Variants in ALDH2 observed in about 807,000 individuals in gnomAD.
The protein encoded by ALDH2 is aldehyde dehydrogenase, mitochondrial.
ALDH2 carries 44 observed loss-of-function variants against 59.6 expected under a neutral mutation model. The ratio of observed to expected loss-of-function variants is 0.74; its 90% CI spans 0.58 to 0.95. The LOEUF (loss-of-function observed/expected upper bound fraction) is 0.95. Ranked by LOEUF, ALDH2 falls within the 40% of genes least tolerant of loss-of-function variation. ALDH2 has a pLI of 0.00. For synonymous variants in ALDH2, 291 were observed against 284.0 expected (o/e 1.02, Z -0.25); for missense variants, 570 against 696.3 (o/e 0.82, Z 2.04).
chr12:111,806,702 T>C (rs989382612), intron 12 of ALDH2, among the ~76,000 whole-genome samples: 9 of 152,240 alleles, frequency 5.9e-5, no homozygotes, highest in African/African-American at 2.2e-4. Context: ...CCAGGAGTGG[T>C]GGCTCATGCC....
intron 9 of ALDH2, among the ~76,000 whole-genome samples, chr12:111,797,123 C>G (rs1428511491): frequency 1.3e-5 from 2 of 152,036 alleles, no homozygotes; most frequent in African/African-American, 4.8e-5. Context: ...TTAGTAGAGA[C>G]GGGGTTTCAC....
At chr12:111,780,701 T>C (rs1447956899) in intron 1 of ALDH2, among the ~76,000 whole-genome samples, 1 of 152,200 alleles carries the variant, frequency 6.6e-6, no homozygotes, top group Admixed American at 6.5e-5. Context: ...TGTGTTTGAT[T>C]GCCTCTTTAT....
intron 4 of ALDH2, among the ~76,000 whole-genome samples, chr12:111,787,890 T>C (rs541097684): frequency 6.6e-6 from 1 of 151,888 alleles, no homozygotes; most frequent in East Asian, 1.9e-4. Context: ...ATATAAAAAA[T>C]TAGCTGGGCT....
chr12:111,770,160 G>A (rs559516464), intron 1 of ALDH2, among the ~76,000 whole-genome samples: 2 of 145,676 alleles, frequency 1.4e-5, no homozygotes, highest in Admixed American at 6.9e-5. Context: ...AAAAAAAAAT[G>A]TGGGGGGTAA....
chr12:111,767,956 A>G (rs566981949), intron 1 of ALDH2, among the ~76,000 whole-genome samples: 142 of 152,256 alleles, frequency 9.3e-4, no homozygotes, highest in Non-Finnish European at 1.2e-3. Context: ...GCCCTCATCA[A>G]CCAGTCACTT....
intron 10 of ALDH2, 170 bp from the exon 11 acceptor site, chr12:111,799,736 C>T: frequency 1.3e-6 from 1 of 748,500 alleles, no homozygotes; most frequent in South Asian, 2.6e-5. Flanking sequence ...CTGTTAGCTC[C>T]ATTCCCTCTG....
At chr12:111,803,776 G>T in intron 11 of ALDH2, 83 bp from the exon 12 acceptor site, 1 of 864,874 alleles carries the variant, frequency 1.2e-6, no homozygotes, top group Non-Finnish European at 1.6e-6. Flanking sequence ...ATAAAATAAA[G>T]ACTTTGGGGC....
rs982297363 is a variant in ALDH2, at chr12:111,809,731, T to C, written c.*156T>C. 3 of 812,716 alleles carry C rather than the reference T, an allele frequency of 3.7e-6. No homozygotes were observed. The highest frequency in any genetic ancestry group is 3.4e-5 in the African/African-American group (2 of 58,248). 50.3% of individuals were successfully genotyped at this position (812,716 alleles called of 1,614,324 possible). ...AAGAAAGTTCTAGAATTTGAATTGA[T>C]AAACATGGTGGGTTGGCTGAGGGTA... On this transcript the variant is annotated 3_prime_UTR_variant, in exon 13 of 13. Coordinates refer to ENST00000261733, the MANE Select transcript of ALDH2 (RefSeq NM_000690.4).
intron 1 of ALDH2, among the ~76,000 whole-genome samples, chr12:111,768,485 C>A (rs1489433123): frequency 6.6e-6 from 1 of 152,272 alleles, no homozygotes; most frequent in Non-Finnish European, 1.5e-5. Context: ...AAAAAGGCAG[C>A]AGCTATGGCT....
intron 9 of ALDH2, among the ~76,000 whole-genome samples, chr12:111,797,614 CAA>C (rs57375192): frequency 0.081 from 11,447 of 140,568 alleles, 1,584 homozygotes; most frequent in East Asian, 0.62. Flanking sequence ...AACAAAAATA[CAA>C]AAAAAAAAAA....
chr12:111,781,767 G>T lies in ALDH2; in HGVS notation c.115-151G>T, dbSNP rs1297783353. On this transcript the variant is annotated intron_variant, in intron 1 of 12. Transcript: ENST00000261733. ...CAGAGTGAGCATTCTGGCCTAGATTGTCTGCAAGGCCTGTGCTTTTCATTT... is the reference window on the plus strand; with the variant it reads ...CAGAGTGAGCATTCTGGCCTAGATTTTCTGCAAGGCCTGTGCTTTTCATTT... 3 of 588,928 alleles carry T rather than the reference G, an allele frequency of 5.1e-6. No individual in the cohort carries two copies. The Admixed American group carries it at 8.4e-5, about 16-fold the overall frequency. 36.5% of individuals were successfully genotyped at this position (588,928 alleles called of 1,614,324 possible).
In ALDH2 at chr12:111,791,340, C is replaced by A. The variant is rs1350645433; in HGVS notation, c.716C>A (p.Pro239His). ...GFPPGVVNIV[P>H]GFGPTAGAAI... ...CCCCCTGGTGTGGTCAACATTGTGC[C>A]TGGATTTGGCCCCACGGCTGGGGCC... The change falls in exon 7 of 13, where the codon CCT becomes CAT. Residue 239 changes from proline to histidine, a missense_variant. Coordinates refer to ENST00000261733, the MANE Select transcript of ALDH2 (RefSeq NM_000690.4). The A allele has an allele frequency of 6.2e-7, 1 of 1,614,166 alleles. No homozygotes were observed. Among genetic ancestry groups the A allele is most frequent in the African/African-American group, 1.3e-5 (1 of 75,054 alleles).
Position 111,811,964 on chromosome 12 carries a change from C to G in ALDH2, c.*2389C>G. ...TGGCTGCACTGTTATTTATTGGATA[C>G]AAAGCAAAAGGGGCAGGGTAAAGAG... On this transcript the variant is annotated 3_prime_UTR_variant, in exon 13 of 13. Transcript: ENST00000261733. The G allele has an allele frequency of 5.6e-6, 1 of 179,510 alleles. No individual in the cohort carries two copies. Among genetic ancestry groups the G allele is most frequent in the Non-Finnish European group, 1.1e-5 (1 of 90,048 alleles). The allele number at this position is 179,510 out of a possible 1,614,324, so 11.1% of individuals were successfully genotyped here. A position where few individuals can be genotyped will look rare whatever the true frequency, so the allele number is the denominator to read the frequency against.
intron 1 of ALDH2, 68 bp from the exon 2 acceptor site, chr12:111,781,848 TCC>T: frequency 8.7e-7 from 1 of 1,145,266 alleles, no homozygotes; most frequent in African/African-American, 1.6e-5. Context: ...TTTTTTTTTT[TCC>T]TTACAATACT....
chr12:111,789,495 AAAAAAAAAAG>A (rs1223872940), intron 4 of ALDH2, among the ~76,000 whole-genome samples: 1 of 151,598 alleles, frequency 6.6e-6, no homozygotes, highest in Non-Finnish European at 1.5e-5. Flanking sequence ...CTGTCTCAAA[AAAAAAAAAAG>A]AAAAGAAAAG....
At chr12:111,770,512 C>A (rs901363509) in intron 1 of ALDH2, among the ~76,000 whole-genome samples, 2 of 152,006 alleles carry the variant, frequency 1.3e-5, no homozygotes, top group Admixed American at 1.3e-4. Flanking sequence ...GTTGCCCAGG[C>A]TGGAGTGTAG....
chr12:111,800,842 C>T (rs969968790), intron 11 of ALDH2, among the ~76,000 whole-genome samples: 3 of 152,192 alleles, frequency 2.0e-5, no homozygotes, highest in Non-Finnish European at 4.4e-5. Context: ...GAAAGAAAAA[C>T]GTGCTCCCAC....
intron 9 of ALDH2, among the ~76,000 whole-genome samples, chr12:111,796,246 C>T (rs375235086): frequency 4.0e-5 from 6 of 151,854 alleles, no homozygotes; most frequent in Admixed American, 6.6e-5. Context: ...CACTTGAACC[C>T]GGGAGGCGCA....
rs2068545997 is a variant in ALDH2, at chr12:111,812,994, C to T, written c.*3419C>T. On this transcript the variant is annotated 3_prime_UTR_variant, in exon 13 of 13. Transcript: ENST00000261733. ...CTCACTGTAACTGTGAGAGGATCGG[C>T]TCTTTTAACCAACAGATAAGAAAGG... 1 of 152,214 alleles carries T rather than the reference C, an allele frequency of 6.6e-6. No homozygotes were observed. The highest frequency in any genetic ancestry group is 1.5e-5 in the Non-Finnish European group (1 of 68,038). The allele number at this position is 152,214 out of a possible 1,614,324, so 9.4% of individuals were successfully genotyped here. A position where few individuals can be genotyped will look rare whatever the true frequency, so the allele number is the denominator to read the frequency against.
Sources: allele counts gnomAD v4.1 joint callset (sites outside exome capture counted in the v4.1 genomes callset), GRCh38; gene constraint gnomAD v4.1.1; transcripts MANE v1.5; gene names NCBI Gene and HGNC (gene_info 2026-07-23, HGNC 2026-07-21).